The following MYH2 variants were observed in gnomAD, a reference collection of about 807,000 sequenced individuals.
The protein encoded by MYH2 is myosin-2.
Under a neutral mutation model 228.1 loss-of-function variants are expected in MYH2, and 139 were observed. The observed-to-expected ratio is 0.61, with a 90% CI of 0.53 to 0.70. The LOEUF (loss-of-function observed/expected upper bound fraction) is 0.70. Among genes scored for constraint, MYH2 ranks in the 30% least tolerant of loss-of-function variants. The pLI is 0.00. For synonymous variants in MYH2, 796 were observed against 871.1 expected (o/e 0.91, Z 1.52); for missense variants, 1,809 against 2,357.5 (o/e 0.77, Z 4.82).
intron 19 of MYH2, among the ~76,000 whole-genome samples, chr17:10,534,832 G>A (rs996575552): frequency 3.3e-5 from 5 of 152,268 alleles, no homozygotes; most frequent in African/African-American, 1.2e-4. Context: ...CAGGAGAATC[G>A]CTTGAACCCA....
chr17:10,528,451 T>C (rs2073381781), intron 27 of MYH2, among the ~76,000 whole-genome samples: 1 of 152,206 alleles, frequency 6.6e-6, no homozygotes, highest in Non-Finnish European at 1.5e-5. Flanking sequence ...AGATGGCTTA[T>C]GTTCAAAAGC....
At chr17:10,547,082 C>T (rs1489383543) in intron 4 of MYH2, among the ~76,000 whole-genome samples, 1 of 152,158 alleles carries the variant, frequency 6.6e-6, no homozygotes, top group Non-Finnish European at 1.5e-5. Context: ...CAGAGCAAGA[C>T]TCTGTCTCAA....
In MYH2 at chr17:10,524,475, C is replaced by T; in HGVS notation, c.5166G>A (p.Leu1722=). Residue 1722 remains leucine (L), a synonymous_variant, in exon 35 of 40, where the codon CTG becomes CTA. Coordinates refer to ENST00000245503, the MANE Select transcript of MYH2 (RefSeq NM_017534.6). This position sits in a 1 kb window ranked among gnomAD's most constrained non-coding sequence, Gnocchi z 4.7. ...TTGTGCTGAATCCCACCTGGGTGTG[C>T]AGTAGCTGAACACGCTCACTGGCAT... ...LLDASERVQL[L]HTQNTSLINT... The T allele has an allele frequency of 6.2e-7, 1 of 1,614,148 alleles. No individual in the cohort carries two copies. Among genetic ancestry groups the T allele is most frequent in the Non-Finnish European group, 8.5e-7 (1 of 1,179,998 alleles).
At chr17:10,544,204 A>T (rs889581550) in intron 5 of MYH2, 77 bp from the exon 6 acceptor site, 1 of 1,545,088 alleles carries the variant, frequency 6.5e-7, no homozygotes, top group Non-Finnish European at 8.9e-7. Flanking sequence ...AATGGAATGA[A>T]CTTAGTATTA....
rs895828288 is a variant in MYH2 at position 10,530,209 on chromosome 17, A to C, written c.2698-135T>G. 8 of 1,444,032 alleles carry C rather than the reference A, an allele frequency of 5.5e-6. No homozygotes were observed. In the East Asian group the frequency reaches 1.6e-4, roughly 30 times the overall value. The allele number at this position is 1,444,032 out of a possible 1,614,324, so 89.5% of individuals were successfully genotyped here. ...TTACTCCTTCACAAATTTTTGTTTC[A>C]TGAACCACCCTACTGTGTACATTTT... On this transcript the variant is annotated intron_variant, in intron 22 of 39. Coordinates refer to ENST00000245503, the MANE Select transcript of MYH2 (RefSeq NM_017534.6).
intron 4 of MYH2, among the ~76,000 whole-genome samples, 176 bp downstream of exon 4, chr17:10,547,299 G>A (rs1251096002): frequency 6.6e-6 from 1 of 152,128 alleles, no homozygotes; most frequent in Non-Finnish European, 1.5e-5. Context: ...GGAAAACAAG[G>A]AAGTGCTGGC....
Position 10,525,827 on chromosome 17 carries a change from CA to C in MYH2, c.4236del (p.Val1413Ter). 1 of 1,614,196 alleles carries C rather than the reference CA, an allele frequency of 6.2e-7. No individual in the cohort carries two copies. Among genetic ancestry groups the C allele is most frequent in the South Asian group, 1.1e-5 (1 of 91,086 alleles). On this transcript the variant is annotated frameshift_variant, in exon 31 of 40. Transcript: ENST00000245503. LOFTEE classifies it high-confidence loss of function. This position sits in a 1 kb window ranked among gnomAD's most constrained non-coding sequence, Gnocchi z 4.2. ...RLQAAEEHVEAVNAKCASLEK... is the reference protein window; with the variant it reads ...RLQAAEEHVEXVNAKCASLEK... ...TCGAGGGAAGCACATTTGGCGTTCA[CA>C]GCTTCTACATGTTCCTCAGCTGCCT...
rs2073472618 is a variant in MYH2 at position 10,535,457 on chromosome 17, T to C, written c.1975-92A>G. The C allele has an allele frequency of 1.7e-5, 18 of 1,081,586 alleles. No homozygotes were observed. In the East Asian group the frequency reaches 4.5e-4, roughly 27 times the overall value. The allele number at this position is 1,081,586 out of a possible 1,614,324, so 67.0% of individuals were successfully genotyped here. A position where few individuals can be genotyped will look rare whatever the true frequency, so the allele number is the denominator to read the frequency against. ...TATAAAATCAATATCTATAGCTGAG[T>C]TGAATGACCAGTATGGACTGCATTC... On this transcript the variant is annotated intron_variant, in intron 17 of 39. Transcript: ENST00000245503.
chr17:10,537,506 T>A lies in MYH2; in HGVS notation c.1624A>T (p.Met542Leu). Residue 542 changes from methionine (M) to leucine (L), a missense_variant, in exon 16 of 40, where the codon ATG becomes TTG. By Grantham distance (15) the Met-to-Leu change is conservative. Coordinates refer to ENST00000245503, the MANE Select transcript of MYH2 (RefSeq NM_017534.6). This position sits in a 1 kb window ranked among gnomAD's most constrained non-coding sequence, Gnocchi z 4.0. ...GAGGTGTCTGTTGCCTTAGGGAACATGCACTCCTCTTCCAGGATGGAGAAG... is the reference window on the plus strand; with the variant it reads ...GAGGTGTCTGTTGCCTTAGGGAACAAGCACTCCTCTTCCAGGATGGAGAAG... ...GIFSILEEECMFPKATDTSFK... is the reference protein window; with the variant it reads ...GIFSILEEECLFPKATDTSFK... 1 of 1,614,202 alleles carries A rather than the reference T, an allele frequency of 6.2e-7. No homozygotes were observed. Among genetic ancestry groups the A allele is most frequent in the East Asian group, 2.2e-5 (1 of 44,886 alleles).
rs201018335 is a variant in MYH2, at chr17:10,543,747, G to A, written c.705C>T (p.Asn235=). Residue 235 remains asparagine, a synonymous_variant, in exon 8 of 40, where the codon AAC becomes AAT. Coordinates refer to ENST00000245503, the MANE Select transcript of MYH2 (RefSeq NM_017534.6). ...SANPLLEAFG[N]AKTVRNDNSS... is the part of the protein sequence containing the mutation. ...AGTTGTCATTCCTCACGGTCTTGGC[G>A]TTGCCAAAGGCCTCCAGTAGGGGGT... 57 of 1,614,050 alleles carry A rather than the reference G, an allele frequency of 3.5e-5. No individual in the cohort carries two copies. The highest frequency in any genetic ancestry group is 2.0e-4 in the African/African-American group (15 of 74,906).
chr17:10,536,375 G>C (rs1055305654), intron 17 of MYH2, among the ~76,000 whole-genome samples, 155 bp downstream of exon 17: 5 of 152,058 alleles, frequency 3.3e-5, no homozygotes, highest in African/African-American at 1.2e-4. Flanking sequence ...AGATGTCAAA[G>C]CATATTACAA....
At chr17:10,545,619 C>A in intron 4 of MYH2, 117 bp from the exon 5 acceptor site, 2 of 1,380,548 alleles carry the variant, frequency 1.4e-6, no homozygotes, top group Non-Finnish European at 2.0e-6. Context: ...GGCTGGAGTG[C>A]AGTGGTGCTA....
chr17:10,537,715 A>ACGTC lies in MYH2; in HGVS notation c.1533_1536dup (p.Phe513AspfsTer34), dbSNP rs1216498223. ...GCCAGGTCCATCCCGAAGTCGATGA[A>ACGTC]CGTCCACTCGATGCCTTCCTTCTTG... is the stretch of plus-strand genomic sequence containing the variant. On this transcript the variant is annotated frameshift_variant, in exon 15 of 40. Transcript: ENST00000245503. LOFTEE classifies it high-confidence loss of function. The surrounding 1 kb of genome is among the most constrained non-coding windows in gnomAD (Gnocchi z 4.0). 1 of 1,614,054 alleles carries ACGTC rather than the reference A, an allele frequency of 6.2e-7. No individual in the cohort carries two copies. The highest frequency in any genetic ancestry group is 8.5e-7 in the Non-Finnish European group (1 of 1,180,030).
chr17:10,525,290 C>T lies in MYH2; in HGVS notation c.4596G>A (p.Leu1532=), dbSNP rs1449785747. The change falls in exon 33 of 40, where the codon CTG becomes CTA. Residue 1532 remains leucine, a synonymous_variant. Coordinates refer to ENST00000245503, the MANE Select transcript of MYH2 (RefSeq NM_017534.6). This position sits in a 1 kb window ranked among gnomAD's most constrained non-coding sequence, Gnocchi z 4.2. The stretch of plus-strand genomic sequence containing the variant: ...GTTCCACTTGTTTCTTTATTTTCTC[C>T]AGTTCATGGATACGTTTCCCTCCTT... ...IAEGGKRIHE[L]EKIKKQVEQE... 6.2e-6 allele frequency: 10 copies of T among 1,613,942 alleles called. No homozygotes were observed. The highest frequency in any genetic ancestry group is 8.5e-6 in the Non-Finnish European group (10 of 1,179,998).
chr17:10,521,753 AGAT>A (rs1332011412), intron 39 of MYH2, among the ~76,000 whole-genome samples: 12 of 152,224 alleles, frequency 7.9e-5, no homozygotes, highest in African/African-American at 2.4e-4. Context: ...GCTTGCTATA[AGAT>A]GATGATTTTC....
In MYH2 at chr17:10,527,877, A is replaced by G. The variant is rs1305490194; in HGVS notation, c.3745-3T>C. 5.0e-6 allele frequency: 8 copies of G among 1,612,696 alleles called. No homozygotes were observed. The highest frequency in any genetic ancestry group is 1.7e-5 in the Admixed American group (1 of 60,004). ...CGGCACATTTTCTCTAGGTTTCCCT[A>G]TAGAAGAAAAAGTAAAAGAAGAAAA... On this transcript the variant is annotated splice_region_variant and splice_polypyrimidine_tract_variant and intron_variant, in intron 27 of 39. Transcript: ENST00000245503.
Position 10,525,782 on chromosome 17 carries a change from G to A in MYH2, c.4282C>T (p.Gln1428Ter). 1 of 1,614,200 alleles carries A rather than the reference G, an allele frequency of 6.2e-7. No homozygotes were observed. The highest frequency in any genetic ancestry group is 1.3e-5 in the African/African-American group (1 of 75,054). The change falls in exon 31 of 40, where the codon CAG (glutamine) becomes TAG (stop). Residue 1428 changes from glutamine to a stop codon, truncating the protein, a stop_gained. Transcript: ENST00000245503. LOFTEE classifies it high-confidence loss of function. The surrounding 1 kb of genome is among the most constrained non-coding windows in gnomAD (Gnocchi z 4.2). ...AGCATGAGGTCCTCGACCTCATTCTGCAGCCGCTGCTTCGTCTTTTCGAGG... is the reference window on the plus strand; with the variant it reads ...AGCATGAGGTCCTCGACCTCATTCTACAGCCGCTGCTTCGTCTTTTCGAGG... ...ASLEKTKQRL[Q>*]NEVEDLMLDV...
In MYH2 at chr17:10,545,421, G is replaced by C. The variant is rs762784420; in HGVS notation, c.430C>G (p.Arg144Gly). Reference protein sequence around the residue: ...VYKPEVVTAYRGKKRQEAPPH... With the variant: ...VYKPEVVTAYGGKKRQEAPPH... ...GGGGCCTCCTGGCGCTTTTTGCCTCGGTAGGCTGTCACCACCTCGGGCTTA... is the reference window on the plus strand; with the variant it reads ...GGGGCCTCCTGGCGCTTTTTGCCTCCGTAGGCTGTCACCACCTCGGGCTTA... The change falls in exon 5 of 40, where the codon CGA (arginine) becomes GGA (glycine). Residue 144 changes from arginine to glycine, a missense_variant. By Grantham distance (125) the Arg-to-Gly change is moderately radical. Coordinates refer to ENST00000245503, the MANE Select transcript of MYH2 (RefSeq NM_017534.6). 1 of 1,613,996 alleles carries C rather than the reference G, an allele frequency of 6.2e-7. No homozygotes were observed. The highest frequency in any genetic ancestry group is 8.5e-7 in the Non-Finnish European group (1 of 1,180,026).
Position 10,525,551 on chromosome 17 carries a change from CT to C in MYH2, c.4436del (p.Glu1479GlyfsTer12). ...ACAGCTCAGTGCCAAGGGAACGGGC[CT>C]CCTTCTGGGAGGCCTCAAGCTCAGC... ...THAELEASQK[E>X]ARSLGTELFK... is the part of the protein sequence containing the mutation. On this transcript the variant is annotated frameshift_variant, in exon 32 of 40. Coordinates refer to ENST00000245503, the MANE Select transcript of MYH2 (RefSeq NM_017534.6). LOFTEE classifies it high-confidence loss of function. The surrounding 1 kb of genome is among the most constrained non-coding windows in gnomAD (Gnocchi z 4.2). 1 of 1,614,198 alleles carries C rather than the reference CT, an allele frequency of 6.2e-7. No homozygotes were observed. Among genetic ancestry groups the C allele is most frequent in the Non-Finnish European group, 8.5e-7 (1 of 1,180,038 alleles).
Sources: gnomAD v4.1 joint callset for allele counts (sites outside exome capture counted in the v4.1 genomes callset) on GRCh38, gnomAD v4.1.1 for gene constraint, Gnocchi (gnomAD v3.1) non-coding constraint, MANE v1.5 for transcripts, NCBI Gene and HGNC (gene_info 2026-07-23, HGNC 2026-07-21) for gene names.